The following GSTCD variants were observed in gnomAD, a reference collection of about 807,000 sequenced individuals.
GSTCD encodes glutathione S-transferase C-terminal domain-containing protein.
A neutral mutation model predicts 68.3 loss-of-function variants in GSTCD; 44 were observed. The ratio of observed to expected loss-of-function variants is 0.64; its 90% CI spans 0.51 to 0.83. The LOEUF (loss-of-function observed/expected upper bound fraction) is 0.83. Among genes scored for constraint, GSTCD ranks in the 40% least tolerant of loss-of-function variants. The pLI, the probability that GSTCD is intolerant of heterozygous loss-of-function variation, is 0.00. For missense variants in GSTCD, 739 were observed against 735.9 expected (o/e 1.00, Z -0.05); for synonymous variants, 273 against 255.2 (o/e 1.07, Z -0.67).
At chr4:105,812,492 A>C (rs1404009497) in intron 5 of GSTCD, among the ~76,000 whole-genome samples, 1 of 151,958 alleles carries the variant, frequency 6.6e-6, no homozygotes, top group South Asian at 2.1e-4. Context: ...GAGCCACCAT[A>C]CCTGGCTGTA....
chr4:105,825,564 A>C, intron 7 of GSTCD, 108 bp from the exon 8 acceptor site: 1 of 617,940 alleles, frequency 1.6e-6, no homozygotes, highest in African/African-American at 1.9e-5. Context: ...ATAGAGGCTC[A>C]ATATAATACG....
intron 3 of GSTCD, among the ~76,000 whole-genome samples, chr4:105,720,204 G>A (rs948896323): frequency 3.3e-5 from 5 of 152,080 alleles, no homozygotes; most frequent in African/African-American, 4.8e-5. Flanking sequence ...ACGCACACAC[G>A]TGTGCACACA....
chr4:105,738,705 A>G (rs1377678225), intron 5 of GSTCD, among the ~76,000 whole-genome samples: 3 of 152,080 alleles, frequency 2.0e-5, no homozygotes, highest in Non-Finnish European at 4.4e-5. Context: ...TTTGGCTGAA[A>G]TTGTTTATCA....
rs1027793398 is a variant in GSTCD at position 105,801,235 on chromosome 4, G to A, written c.1241-21719G>A. ...CAAGTGCAACCTCAGCTAGGAACATGTAATCAGGTGACTCAAATATTTCAC... is the reference window on the plus strand; with the variant it reads ...CAAGTGCAACCTCAGCTAGGAACATATAATCAGGTGACTCAAATATTTCAC... On this transcript the variant is annotated intron_variant, in intron 5 of 11. Coordinates refer to ENST00000515279, the MANE Select transcript of GSTCD (RefSeq NM_001370181.1). Among the ~76,000 whole-genome samples the A allele has an allele frequency of 7.9e-5, 12 of 152,266 alleles. No individual in the cohort carries two copies. The South Asian group carries it at 2.3e-3, about 29-fold the overall frequency.
chr4:105,832,725 C>T (rs1000498871), intron 8 of GSTCD, among the ~76,000 whole-genome samples: 1 of 152,170 alleles, frequency 6.6e-6, no homozygotes, highest in Non-Finnish European at 1.5e-5. Context: ...GTTCTGAGTG[C>T]CATCACCCAG....
chr4:105,782,530 G>T (rs1056943994), intron 5 of GSTCD, among the ~76,000 whole-genome samples: 1 of 151,792 alleles, frequency 6.6e-6, no homozygotes, highest in African/African-American at 2.4e-5. Flanking sequence ...CAAAAAACAG[G>T]AGAAAGATAA....
intron 2 of GSTCD, among the ~76,000 whole-genome samples, 154 bp downstream of exon 2, chr4:105,718,193 T>A (rs1055646766): frequency 6.6e-6 from 1 of 152,184 alleles, no homozygotes; most frequent in Non-Finnish European, 1.5e-5. Flanking sequence ...TTTGATATAG[T>A]TTGAATATTT....
intron 5 of GSTCD, among the ~76,000 whole-genome samples, chr4:105,812,421 A>C (rs919066309): frequency 6.6e-6 from 1 of 151,954 alleles, no homozygotes; most frequent in African/African-American, 2.4e-5. Context: ...GGCTGGTCTC[A>C]AACTCCTGGC....
chr4:105,847,427 C>T lies in GSTCD; in HGVS notation c.*1850C>T, dbSNP rs1157214871. On this transcript the variant is annotated 3_prime_UTR_variant, in exon 12 of 12. Transcript: ENST00000515279. ...AAACAACATGCTCTTTTATTGTGGA[C>T]TTTCTTCTTTTAAGTGAGGTTTAAT... is the stretch of plus-strand genomic sequence containing the variant. 4.6e-5 allele frequency: 7 copies of T among 152,084 alleles called. No homozygotes were observed. The highest frequency in any genetic ancestry group is 2.6e-4 in the Admixed American group (4 of 15,262). The allele number at this position is 152,084 out of a possible 1,614,324, so 9.4% of individuals were successfully genotyped here.
At chr4:105,781,938 G>A (rs914601047) in intron 5 of GSTCD, among the ~76,000 whole-genome samples, 48 of 151,908 alleles carry the variant, frequency 3.2e-4, no homozygotes, top group African/African-American at 1.1e-3. Flanking sequence ...GGGGTAGTTC[G>A]TATTTTGAAG....
chr4:105,811,170 T>C (rs1722732699), intron 5 of GSTCD, among the ~76,000 whole-genome samples: 1 of 152,112 alleles, frequency 6.6e-6, no homozygotes, highest in South Asian at 2.1e-4. Context: ...TAGTGGGCAT[T>C]GCGATTCTCC....
chr4:105,766,258 C>T (rs1232375858), intron 5 of GSTCD, among the ~76,000 whole-genome samples: 1 of 152,158 alleles, frequency 6.6e-6, no homozygotes, highest in African/African-American at 2.4e-5. Context: ...GCTGGAACCA[C>T]AGAGAGGACT....
At position 105,720,456 on chromosome 4, in the gene GSTCD, A is replaced by G. The variant is rs185956198; in HGVS notation, c.894+929A>G. 1.1e-3 allele frequency among the ~76,000 whole-genome samples: 173 copies of G among 152,328 alleles called. 1 individual carries two copies. The highest frequency in any genetic ancestry group is 4.0e-3 in the African/African-American group (166 of 41,586). On this transcript the variant is annotated intron_variant, in intron 3 of 11. Transcript: ENST00000515279. ...ATCTCTATGGACAGAAGAGACTGCTATCGAAAATCTATGTATTTGAAGGCT... is the reference window on the plus strand; with the variant it reads ...ATCTCTATGGACAGAAGAGACTGCTGTCGAAAATCTATGTATTTGAAGGCT...
At chr4:105,807,820 G>C (rs978049416) in intron 5 of GSTCD, among the ~76,000 whole-genome samples, 7 of 152,020 alleles carry the variant, frequency 4.6e-5, no homozygotes, top group Non-Finnish European at 1.0e-4. Context: ...GTTTCCCTTT[G>C]TAATAATAGT....
intron 10 of GSTCD, among the ~76,000 whole-genome samples, chr4:105,839,429 G>A (rs1724249630): frequency 6.6e-6 from 1 of 152,186 alleles, no homozygotes; most frequent in Admixed American, 6.5e-5. Context: ...TGAGAACAGA[G>A]TTCAAGACCA....
chr4:105,827,770 T>C (rs1207314451), intron 8 of GSTCD, among the ~76,000 whole-genome samples: 3 of 152,168 alleles, frequency 2.0e-5, no homozygotes, highest in Non-Finnish European at 4.4e-5. Context: ...TTAGCATTTA[T>C]CTTTGCTTAG....
chr4:105,744,962 A>G lies in GSTCD; in HGVS notation c.1240+15463A>G, dbSNP rs575116000. Among the ~76,000 whole-genome samples, 22 of 152,304 alleles carry G rather than the reference A, an allele frequency of 1.4e-4. No homozygotes were observed. In the South Asian group the frequency reaches 4.6e-3, roughly 32 times the overall value. On this transcript the variant is annotated intron_variant, in intron 5 of 11. Coordinates refer to ENST00000515279, the MANE Select transcript of GSTCD (RefSeq NM_001370181.1). ...CAACTATACACATCAATATCTACTG[A>G]TACATCTATATCTTTTATCCATCTA...
At chr4:105,844,541 C>T (rs933228255) in intron 11 of GSTCD, among the ~76,000 whole-genome samples, 1 of 152,070 alleles carries the variant, frequency 6.6e-6, no homozygotes, top group Non-Finnish European at 1.5e-5. Flanking sequence ...GTCTTCATTT[C>T]TGAAGTTGTT....
At chr4:105,826,015 A>C (rs1247353108) in intron 8 of GSTCD, 1 of 209,682 alleles carries the variant, frequency 4.8e-6, no homozygotes, top group Non-Finnish European at 9.6e-6. Context: ...CTCCTCTATC[A>C]GACCAGAACT....
Sources: allele counts gnomAD v4.1 joint callset (sites outside exome capture counted in the v4.1 genomes callset), GRCh38; gene constraint gnomAD v4.1.1; transcripts MANE v1.5; gene names NCBI Gene and HGNC (gene_info 2026-07-23, HGNC 2026-07-21).